Variants in SPIDR observed in about 807,000 individuals in gnomAD.
SPIDR encodes the protein DNA repair-scaffolding protein.
In SPIDR, 93 loss-of-function variants were observed where a neutral mutation model predicts 104.6. That is an observed-to-expected ratio of 0.89 (90% CI 0.75 to 1.06). The LOEUF (loss-of-function observed/expected upper bound fraction) is 1.06, where lower values mean the gene tolerates loss of function less well. Ranked by LOEUF, SPIDR falls within the 50% of genes least tolerant of loss-of-function variation. The pLI is 0.00. For synonymous variants in SPIDR, 431 were observed against 416.9 expected (o/e 1.03, Z -0.41); for missense variants, 1,154 against 1,111.2 (o/e 1.04, Z -0.55).
In SPIDR at chr8:47,661,024, C is replaced by T. The variant is rs557139040; in HGVS notation, c.1545-12777C>T. ...TGCAGGTACCCAAACTCCTAGTGTCCGTGTCCATTCGTGTCATGTGGTGCC... is the reference window on the plus strand; with the variant it reads ...TGCAGGTACCCAAACTCCTAGTGTCTGTGTCCATTCGTGTCATGTGGTGCC... On this transcript the variant is annotated intron_variant, in intron 10 of 19. Coordinates refer to ENST00000297423, the MANE Select transcript of SPIDR (RefSeq NM_001080394.4). 32 of 936,462 alleles carry T rather than the reference C, an allele frequency of 3.4e-5. No individual in the cohort carries two copies. The South Asian group carries it at 8.8e-4, about 26-fold the overall frequency. 58.0% of individuals were successfully genotyped at this position (936,462 alleles called of 1,614,324 possible). A position where few individuals can be genotyped will look rare whatever the true frequency, so the allele number is the denominator to read the frequency against.
intron 15 of SPIDR, 145 bp from the exon 16 acceptor site, chr8:47,713,344 A>G: frequency 8.6e-7 from 1 of 1,160,010 alleles, no homozygotes; most frequent in Non-Finnish European, 1.2e-6. Context: ...AGGAGTGTGC[A>G]CACACAATGA....
intron 10 of SPIDR, among the ~76,000 whole-genome samples, chr8:47,658,107 G>A (rs1414537245): frequency 6.6e-6 from 1 of 151,704 alleles, no homozygotes; most frequent in Non-Finnish European, 1.5e-5. Flanking sequence ...TGTTCCATGG[G>A]TAAATGTCTA....
chr8:47,525,394 C>G (rs1472864861), intron 8 of SPIDR, among the ~76,000 whole-genome samples: 3 of 152,218 alleles, frequency 2.0e-5, no homozygotes, highest in Non-Finnish European at 4.4e-5. Context: ...CTAGCTTTGG[C>G]ATTACTAACT....
At chr8:47,676,664 T>C (rs2076491234) in intron 11 of SPIDR, among the ~76,000 whole-genome samples, 1 of 152,194 alleles carries the variant, frequency 6.6e-6, no homozygotes, top group South Asian at 2.1e-4. Context: ...ATACCGAAAA[T>C]AACCTTTTCC....
chr8:47,438,552 G>A (rs1458235048), intron 7 of SPIDR, among the ~76,000 whole-genome samples: 6 of 152,150 alleles, frequency 3.9e-5, no homozygotes, highest in South Asian at 2.1e-4. Context: ...CTGTTGTGGC[G>A]AAGCATCTGT....
At chr8:47,486,103 G>GA (rs1484767969) in intron 8 of SPIDR, among the ~76,000 whole-genome samples, 1 of 152,206 alleles carries the variant, frequency 6.6e-6, no homozygotes, top group East Asian at 1.9e-4. Flanking sequence ...TAAAAACCTT[G>GA]AAAAAAGATT....
At chr8:47,563,334 T>C (rs2057328157) in intron 8 of SPIDR, among the ~76,000 whole-genome samples, 1 of 151,992 alleles carries the variant, frequency 6.6e-6, no homozygotes, top group Non-Finnish European at 1.5e-5. Context: ...GACACCTGAC[T>C]CATTTTTCTT....
intron 8 of SPIDR, among the ~76,000 whole-genome samples, chr8:47,484,892 C>G (rs1418055155): frequency 6.6e-6 from 1 of 152,152 alleles, no homozygotes; most frequent in East Asian, 1.9e-4. Flanking sequence ...TGAATAGGAA[C>G]AGCTCCAGTC....
At chr8:47,695,967 C>A (rs985699674) in intron 11 of SPIDR, among the ~76,000 whole-genome samples, 6 of 152,234 alleles carry the variant, frequency 3.9e-5, no homozygotes, top group Non-Finnish European at 8.8e-5. Context: ...CTCCCACTCT[C>A]TTCTTGGTCC....
intron 16 of SPIDR, among the ~76,000 whole-genome samples, chr8:47,719,452 T>A (rs949382924): frequency 6.6e-5 from 10 of 151,124 alleles, no homozygotes; most frequent in Non-Finnish European, 1.5e-4. Flanking sequence ...GAGCTTGCAG[T>A]GAGCCGAGAC....
intron 7 of SPIDR, among the ~76,000 whole-genome samples, chr8:47,414,889 T>TTTTTG (rs1382834853): frequency 9.9e-5 from 15 of 152,080 alleles, no homozygotes; most frequent in East Asian, 1.9e-4. Flanking sequence ...ATTCTGCCCG[T>TTTTTG]TTTTGTTTTG....
intron 16 of SPIDR, among the ~76,000 whole-genome samples, chr8:47,723,124 T>C (rs1295255054): frequency 6.6e-6 from 1 of 152,178 alleles, no homozygotes; most frequent in East Asian, 1.9e-4. Flanking sequence ...GGCCTTGGCC[T>C]TCCAAAGTGC....
At chr8:47,712,142 AAAAAAATG>A (rs1195116201) in intron 14 of SPIDR, among the ~76,000 whole-genome samples, 6 of 152,232 alleles carry the variant, frequency 3.9e-5, no homozygotes, top group African/African-American at 1.4e-4. Context: ...TGAAGATAAG[AAAAAAATG>A]AAAAAATATA....
chr8:47,263,660 CCTT>C (rs1348776880), intron 1 of SPIDR, among the ~76,000 whole-genome samples: 4 of 151,698 alleles, frequency 2.6e-5, no homozygotes, highest in African/African-American at 9.7e-5. Context: ...TCAAATCCCA[CCTT>C]CTCCCAAATT....
intron 16 of SPIDR, among the ~76,000 whole-genome samples, chr8:47,720,838 A>G (rs2083293110): frequency 6.6e-6 from 1 of 151,882 alleles, no homozygotes; most frequent in Non-Finnish European, 1.5e-5. Context: ...GCTCACTGCA[A>G]CTTCCACCCC....
At chr8:47,260,927 G>A (rs1191833549), upstream of SPIDR, 2 of 1,224,358 alleles carry the variant, frequency 1.6e-6, no homozygotes, top group Non-Finnish European at 2.0e-6. Flanking sequence ...GGCGCGCTGA[G>A]GAGGCGGTGC....
At chr8:47,381,951 C>T (rs531249823) in intron 5 of SPIDR, among the ~76,000 whole-genome samples, 7 of 152,288 alleles carry the variant, frequency 4.6e-5, no homozygotes, top group African/African-American at 1.7e-4. Flanking sequence ...TAGCATTTAG[C>T]TACAAAGGTG....
intron 8 of SPIDR, among the ~76,000 whole-genome samples, chr8:47,589,022 G>GTTTTTTGTTTTT (rs2060641547): frequency 2.2e-5 from 2 of 89,058 alleles, no homozygotes; most frequent in African/African-American, 4.1e-5. Flanking sequence ...TTTATAGTTT[G>GTTTTTTGTTTTT]TTTTTTTTTT....
At chr8:47,393,754 T>C (rs1211480368) in intron 5 of SPIDR, among the ~76,000 whole-genome samples, 1 of 149,484 alleles carries the variant, frequency 6.7e-6, no homozygotes, top group Admixed American at 6.7e-5. Flanking sequence ...TCTTTCGTTC[T>C]CTTTCTTTCT....
Sources: gnomAD v4.1 joint callset for allele counts (sites outside exome capture counted in the v4.1 genomes callset) on GRCh38, gnomAD v4.1.1 for gene constraint, MANE v1.5 for transcripts, NCBI Gene and HGNC (gene_info 2026-07-23, HGNC 2026-07-21) for gene names.